The following SLC4A4 variants were observed in gnomAD, a reference collection of about 807,000 sequenced individuals.
SLC4A4 encodes solute carrier family 4 member 4.
SLC4A4 carries 27 observed loss-of-function variants against 111.5 expected under a neutral mutation model. That is an observed-to-expected ratio of 0.24 (90% CI 0.18 to 0.33). The LOEUF (loss-of-function observed/expected upper bound fraction) is 0.33, where lower values mean the gene tolerates loss of function less well. SLC4A4 is among the 10% of genes least tolerant of loss of function. The pLI, the probability that SLC4A4 is intolerant of heterozygous loss-of-function variation, is 1.00. For synonymous variants in SLC4A4, 443 were observed against 463.4 expected (o/e 0.96, Z 0.57); for missense variants, 909 against 1,315.5 (o/e 0.69, Z 4.78).
intron 2 of SLC4A4, among the ~76,000 whole-genome samples, chr4:71,118,104 G>T (rs891875778): frequency 6.6e-6 from 1 of 152,040 alleles, no homozygotes; most frequent in African/African-American, 2.4e-5. Flanking sequence ...TCGAACTCCC[G>T]ACCTCAGGTG....
Position 71,188,348 on chromosome 4 carries a change from A to G in SLC4A4, c.-2+947A>G, listed in dbSNP as rs111894749. Among the ~76,000 whole-genome samples the G allele has an allele frequency of 3.2e-3, 481 of 152,216 alleles. 2 individuals carry two copies. The highest frequency in any genetic ancestry group is 6.0e-3 in the Non-Finnish European group (409 of 68,006). ...ATCCTTCCTTCCCTCTCAAGGCCCT[A>G]CCTTCTCAGCATAATTGATCGCAGC... On this transcript the variant is annotated intron_variant, in intron 1 of 25. Transcript: ENST00000264485.
At chr4:71,185,330 T>A (rs1745416469), upstream of SLC4A4, among the ~76,000 whole-genome samples, 1 of 152,222 alleles carries the variant, frequency 6.6e-6, no homozygotes, top group African/African-American at 2.4e-5. Flanking sequence ...CCTGTTAGCT[T>A]ACTTTGCGGT....
chr4:71,248,575 G>C (rs563237973), intron 2 of SLC4A4, among the ~76,000 whole-genome samples: 3 of 152,024 alleles, frequency 2.0e-5, no homozygotes, highest in African/African-American at 7.2e-5. Context: ...GTTTACATAG[G>C]GTAACCTGAT....
At chr4:71,392,999 G>T (rs1185030022) in intron 6 of SLC4A4, among the ~76,000 whole-genome samples, 1 of 151,936 alleles carries the variant, frequency 6.6e-6, no homozygotes, top group Non-Finnish European at 1.5e-5. Context: ...AACAAAATTG[G>T]CATACAAGGG....
At chr4:71,394,323 A>T (rs1180233552) in intron 6 of SLC4A4, among the ~76,000 whole-genome samples, 2 of 152,104 alleles carry the variant, frequency 1.3e-5, no homozygotes, top group African/African-American at 4.8e-5. Context: ...AAAAAATCCC[A>T]TCAAAAAGTG....
At chr4:71,378,526 C>A (rs981780422) in intron 6 of SLC4A4, among the ~76,000 whole-genome samples, 7 of 152,116 alleles carry the variant, frequency 4.6e-5, no homozygotes, top group Non-Finnish European at 1.0e-4. Context: ...GTCTTTCATG[C>A]AAATATACAG....
intron 2 of SLC4A4, among the ~76,000 whole-genome samples, chr4:71,114,169 C>T (rs1297137163): frequency 3.3e-5 from 5 of 152,094 alleles, no homozygotes; most frequent in Non-Finnish European, 7.4e-5. Context: ...TGGCATGAAC[C>T]GGGGAGGCAG....
intron 20 of SLC4A4, among the ~76,000 whole-genome samples, chr4:71,548,197 T>G (rs1560610263): frequency 6.6e-6 from 1 of 151,938 alleles, no homozygotes; most frequent in Non-Finnish European, 1.5e-5. Context: ...TCTTAATTAT[T>G]ACTTTGTTTC....
chr4:71,543,026 C>T (rs1340146831), intron 18 of SLC4A4, among the ~76,000 whole-genome samples: 1 of 152,032 alleles, frequency 6.6e-6, no homozygotes, highest in Non-Finnish European at 1.5e-5. Context: ...GAGAGAGGCA[C>T]AATTCACATA....
intron 7 of SLC4A4, among the ~76,000 whole-genome samples, chr4:71,409,996 A>C (rs1223522939): frequency 6.6e-6 from 1 of 152,192 alleles, no homozygotes; most frequent in African/African-American, 2.4e-5. Flanking sequence ...TGAGCCTGCG[A>C]GCGCACAGAA....
chr4:71,086,409 C>T (rs1448174622), intron 1 of SLC4A4, among the ~76,000 whole-genome samples: 2 of 151,888 alleles, frequency 1.3e-5, no homozygotes, highest in Non-Finnish European at 2.9e-5. Context: ...TTTCTCCTGC[C>T]TGATTGCCCT....
chr4:71,419,413 C>G (rs889137468), intron 7 of SLC4A4, among the ~76,000 whole-genome samples: 1 of 152,224 alleles, frequency 6.6e-6, no homozygotes, highest in African/African-American at 2.4e-5. Flanking sequence ...GCGCCCCTCC[C>G]CCAGCCTCAC....
intron 2 of SLC4A4, among the ~76,000 whole-genome samples, chr4:71,138,892 C>T (rs1348853083): frequency 4.0e-5 from 6 of 151,878 alleles, no homozygotes; most frequent in African/African-American, 2.4e-5. Flanking sequence ...AAAAATTAGC[C>T]AGGCGTGGTG....
upstream of SLC4A4, among the ~76,000 whole-genome samples, chr4:71,184,041 T>G (rs1745380269): frequency 6.6e-6 from 1 of 152,190 alleles, no homozygotes; most frequent in South Asian, 2.1e-4. Flanking sequence ...TGGATTCTGC[T>G]CTTTGTTGAA....
At position 71,557,892 on chromosome 4, in the gene SLC4A4, ATTCCT is replaced by A; in HGVS notation, c.2937+10_2937+14del. 1 of 1,605,164 alleles carries A rather than the reference ATTCCT, an allele frequency of 6.2e-7. No individual in the cohort carries two copies. The highest frequency in any genetic ancestry group is 8.5e-7 in the Non-Finnish European group (1 of 1,172,652). ...TATCATTTTTCCAGTAATGGTAGGGATTCCTTTAATTGAACGTACCTGTGAGATTA... is the reference window on the plus strand; with the variant it reads ...TATCATTTTTCCAGTAATGGTAGGGATTAATTGAACGTACCTGTGAGATTA... On this transcript the variant is annotated splice_region_variant and intron_variant, in intron 22 of 25. Coordinates refer to ENST00000264485, the MANE Select transcript of SLC4A4 (RefSeq NM_001098484.3).
intron 1 of SLC4A4, among the ~76,000 whole-genome samples, chr4:71,215,273 C>T (rs1448789983): frequency 6.6e-6 from 1 of 152,160 alleles, no homozygotes; most frequent in African/African-American, 2.4e-5. Flanking sequence ...CTCCTGACTG[C>T]TTTTTTCTTG....
At chr4:71,096,519 C>G (rs1742559348) in intron 2 of SLC4A4, among the ~76,000 whole-genome samples, 4 of 151,984 alleles carry the variant, frequency 2.6e-5, no homozygotes, top group Admixed American at 2.6e-4. Context: ...CCAAAAAACT[C>G]AGTAATTGAG....
chr4:71,273,783 G>A (rs1722878159), intron 3 of SLC4A4, among the ~76,000 whole-genome samples: 2 of 151,776 alleles, frequency 1.3e-5, no homozygotes, highest in African/African-American at 4.8e-5. Context: ...AGCGTTGCAT[G>A]CTGGAATCAG....
At chr4:71,541,186 T>C (rs1735021591) in intron 18 of SLC4A4, among the ~76,000 whole-genome samples, 1 of 152,066 alleles carries the variant, frequency 6.6e-6, no homozygotes, top group African/African-American at 2.4e-5. Flanking sequence ...TTAAAGATAA[T>C]TTTGCAGCGT....
Sources: gnomAD v4.1 joint callset for allele counts (sites outside exome capture counted in the v4.1 genomes callset) on GRCh38, gnomAD v4.1.1 for gene constraint, MANE v1.5 for transcripts, NCBI Gene and HGNC (gene_info 2026-07-23, HGNC 2026-07-21) for gene names.